The following NF1 variants were observed in gnomAD, a reference collection of about 807,000 sequenced individuals.
The protein encoded by NF1 is neurofibromin 1, also known as neurofibromin.
A neutral mutation model predicts 325.7 loss-of-function variants in NF1; 122 were observed. The ratio of observed to expected loss-of-function variants is 0.37; its 90% CI spans 0.32 to 0.44. The LOEUF (loss-of-function observed/expected upper bound fraction) is 0.44, where lower values mean the gene tolerates loss of function less well. Ranked by LOEUF, NF1 falls within the 20% of genes least tolerant of loss-of-function variation. The probability of loss-of-function intolerance (pLI) is 1.00; values close to 1 mark genes in which losing one functional copy is unlikely to be tolerated. For synonymous variants in NF1, 1,091 were observed against 1,186.0 expected, an observed-to-expected ratio of 0.92 and a Z score of 1.65; for missense variants, 2,140 against 3,415.4, an observed-to-expected ratio of 0.63 and a Z score of 9.31.
At chr17:31,299,292 TAAATA>T (rs2068526940) in intron 36 of NF1, among the ~76,000 whole-genome samples, 1 of 151,698 alleles carries the variant, frequency 6.6e-6, no homozygotes. Flanking sequence ...AATAAATAAA[TAAATA>T]AAAGAAATTC....
At chr17:31,349,327 T>C (rs2070082446) in intron 49 of NF1, 76 bp downstream of exon 49, 1 of 1,509,512 alleles carries the variant, frequency 6.6e-7, no homozygotes, top group Non-Finnish European at 9.0e-7. Flanking sequence ...CAAATACCTA[T>C]AGGTTTTTTG....
At chr17:31,367,970 A>AT (rs2070562538) in intron 57 of NF1, among the ~76,000 whole-genome samples, 1 of 152,072 alleles carries the variant, frequency 6.6e-6, no homozygotes, top group Non-Finnish European at 1.5e-5. Flanking sequence ...AAAAAAAAAA[A>AT]ATATATGGTC....
chr17:31,346,818 CTTTTTT>C (rs59155043), intron 48 of NF1, among the ~76,000 whole-genome samples: 6 of 108,206 alleles, frequency 5.5e-5, no homozygotes, highest in South Asian at 5.6e-4. Context: ...AAGAATTTGG[CTTTTTT>C]TTTTTTTTTT....
At chr17:31,271,920 C>T (rs1341013433) in intron 36 of NF1, 4 of 151,984 alleles carry the variant, frequency 2.6e-5, no homozygotes, top group African/African-American at 9.7e-5. Context: ...CACACACACA[C>T]ACCCCACCTA....
intron 36 of NF1, among the ~76,000 whole-genome samples, chr17:31,266,353 C>T (rs761469629): frequency 6.6e-6 from 1 of 152,050 alleles, no homozygotes; most frequent in African/African-American, 2.4e-5. Flanking sequence ...ATTCAGATAG[C>T]CTTAAGACCA....
intron 8 of NF1, among the ~76,000 whole-genome samples, chr17:31,199,440 A>G (rs748123320): frequency 2.0e-4 from 30 of 152,150 alleles, no homozygotes; most frequent in Non-Finnish European, 3.2e-4. Flanking sequence ...CATACTTTGT[A>G]TGATTTCAGT....
At chr17:31,265,474 G>T in intron 36 of NF1, 135 bp downstream of exon 36, 1 of 662,286 alleles carries the variant, frequency 1.5e-6, no homozygotes, top group East Asian at 2.9e-5. Context: ...CATATAGCAG[G>T]GTAAATAGCC....
chr17:31,348,960 C>G (rs1363222706), intron 48 of NF1, among the ~76,000 whole-genome samples, 160 bp from the exon 49 acceptor site: 1 of 152,190 alleles, frequency 6.6e-6, no homozygotes, highest in Non-Finnish European at 1.5e-5. Flanking sequence ...TTCTCATTCA[C>G]ATATGCATGT....
At chr17:31,235,061 T>G (rs954314850) in intron 27 of NF1, among the ~76,000 whole-genome samples, 11 of 152,186 alleles carry the variant, frequency 7.2e-5, no homozygotes, top group African/African-American at 2.7e-4. Context: ...TAGCTTTGTA[T>G]GTAAATCTGG....
intron 1 of NF1, among the ~76,000 whole-genome samples, chr17:31,152,992 C>G (rs1439472244): frequency 2.0e-5 from 3 of 151,964 alleles, no homozygotes; most frequent in Middle Eastern, 3.4e-3. Flanking sequence ...GTCTCTAGAG[C>G]TTATTCTTTT....
At chr17:31,298,527 C>G (rs2068511258) in intron 36 of NF1, among the ~76,000 whole-genome samples, 1 of 152,034 alleles carries the variant, frequency 6.6e-6, no homozygotes, top group African/African-American at 2.4e-5. Context: ...AGTTTATTTT[C>G]TTACAAGAGA....
chr17:31,298,554 C>T (rs1050724250), intron 36 of NF1, among the ~76,000 whole-genome samples: 9 of 151,996 alleles, frequency 5.9e-5, no homozygotes, highest in South Asian at 2.1e-4. Context: ...ACTCTAGGAG[C>T]CACCTTTTGT....
chr17:31,334,745 C>T (rs779850209), intron 39 of NF1, 93 bp from the exon 40 acceptor site: 1 of 1,051,326 alleles, frequency 9.5e-7, no homozygotes, highest in South Asian at 1.3e-5. Context: ...TAGTCTTTAC[C>T]TTTTACCATT....
intron 36 of NF1, among the ~76,000 whole-genome samples, chr17:31,310,065 T>C (rs966529920): frequency 4.6e-5 from 7 of 152,148 alleles, no homozygotes; most frequent in African/African-American, 1.4e-4. Context: ...CTGACTTTTT[T>C]CCCAGCGGTA....
At chr17:31,275,979 G>A (rs1276631854) in intron 36 of NF1, among the ~76,000 whole-genome samples, 2 of 152,068 alleles carry the variant, frequency 1.3e-5, no homozygotes, top group African/African-American at 4.8e-5. Context: ...GGAGGCCGAG[G>A]TGGGCAGATC....
intron 39 of NF1, among the ~76,000 whole-genome samples, chr17:31,332,203 C>T (rs1388295223): frequency 2.6e-5 from 4 of 152,062 alleles, no homozygotes; most frequent in Admixed American, 6.5e-5. Context: ...CGGTGGCTCA[C>T]GCCTGTAATC....
intron 8 of NF1, among the ~76,000 whole-genome samples, chr17:31,187,361 G>C (rs2066260041): frequency 6.6e-6 from 1 of 152,138 alleles, no homozygotes; most frequent in South Asian, 2.1e-4. Context: ...ACCACGCCCA[G>C]CTAATTTTTG....
rs886038395 is a variant in NF1 at position 31,258,427 on chromosome 17, C to T, written c.4257C>T (p.Val1419=). The part of the protein sequence containing the change: ...MFLRFINPAI[V]SPYEAGILDK... ...TCAGATTTATCAATCCTGCCATTGTCTCACCGTATGAAGCAGGGATTTTAG... is the reference window on the plus strand; with the variant it reads ...TCAGATTTATCAATCCTGCCATTGTTTCACCGTATGAAGCAGGGATTTTAG... Residue 1419 remains valine, a synonymous_variant, in exon 32 of 58, where the codon GTC becomes GTT. Transcript: ENST00000358273. 6.2e-7 allele frequency: 1 copy of T among 1,613,958 alleles called. No homozygotes were observed. Among genetic ancestry groups the T allele is most frequent in the African/African-American group, 1.3e-5 (1 of 75,012 alleles).
chr17:31,154,166 G>A (rs1409529880), intron 1 of NF1, among the ~76,000 whole-genome samples: 2 of 139,774 alleles, frequency 1.4e-5, no homozygotes, highest in African/African-American at 2.7e-5. Context: ...AGCCATTCTC[G>A]TGCCTCAGCC....
Sources: allele counts gnomAD v4.1 joint callset (sites outside exome capture counted in the v4.1 genomes callset), GRCh38; gene constraint gnomAD v4.1.1; transcripts MANE v1.5; gene names NCBI Gene and HGNC (gene_info 2026-07-23, HGNC 2026-07-21).